Variants in MS4A4E observed in about 807,000 individuals in gnomAD.
MS4A4E encodes the protein putative membrane-spanning 4-domains subfamily A member 4E.
Under a neutral mutation model 13.3 loss-of-function variants are expected in MS4A4E, and 23 were observed. That is an observed-to-expected ratio of 1.73 (90% CI 1.25 to 2.45). The LOEUF is 2.45. Ranked by LOEUF, MS4A4E falls within the 30% of genes most tolerant of loss-of-function variation. The pLI, the probability that MS4A4E is intolerant of heterozygous loss-of-function variation, is 0.00. For missense variants in MS4A4E, 144 were observed against 131.2 expected, an observed-to-expected ratio of 1.10 and a Z score of -0.48; for synonymous variants, 36 against 45.6, an observed-to-expected ratio of 0.79 and a Z score of 0.85.
At chr11:60,212,612 A>T (rs1290516120) in intron 5 of MS4A4E, among the ~76,000 whole-genome samples, 1 of 152,130 alleles carries the variant, frequency 6.6e-6, no homozygotes, top group Non-Finnish European at 1.5e-5. Context: ...TCCGGCTGGG[A>T]CTGACTTTTT....
At chr11:60,216,561 AAGAGTTTAATAAAAAGCT>A (rs1263888501) in intron 3 of MS4A4E, among the ~76,000 whole-genome samples, 3 of 151,804 alleles carry the variant, frequency 2.0e-5, no homozygotes, top group African/African-American at 7.3e-5. Flanking sequence ...AGATCATAGT[AAGAGTTTAATAAAAAGCT>A]ATTATTGACA....
Position 60,206,512 on chromosome 11 carries a change from T to TGTATATATATATAC in MS4A4E, c.484-693_484-692insGTATATATATATAC, listed in dbSNP as rs1554983301. ...ATGTATATATATACGTATATATATATACACACACACACACACAGAGGTCAT... is the reference window on the plus strand; with the variant it reads ...ATGTATATATATACGTATATATATATGTATATATATATACACACACACACACACACAGAGGTCAT... On this transcript the variant is annotated intron_variant, in intron 6 of 8. Transcript: ENST00000651255. Among the ~76,000 whole-genome samples, 3 of 98,350 alleles carry TGTATATATATATAC rather than the reference T, an allele frequency of 3.1e-5. 1 individual carries two copies. The highest frequency in any genetic ancestry group is 1.4e-4 in the African/African-American group (3 of 20,694). 64.5% of individuals were successfully genotyped at this position (98,350 alleles called of 152,430 possible). A position where few individuals can be genotyped will look rare whatever the true frequency, so the allele number is the denominator to read the frequency against.
At chr11:60,224,089 T>C (rs1015119864) in intron 3 of MS4A4E, among the ~76,000 whole-genome samples, 9 of 152,220 alleles carry the variant, frequency 5.9e-5, no homozygotes. Flanking sequence ...AATAGATTCC[T>C]TGATTCTAAC....
At chr11:60,215,826 A>T (rs1342607399) in intron 3 of MS4A4E, among the ~76,000 whole-genome samples, 2 of 152,096 alleles carry the variant, frequency 1.3e-5, no homozygotes, top group African/African-American at 4.8e-5. Flanking sequence ...TAAACTCTTT[A>T]AAAAATTCAG....
chr11:60,236,667 A>G (rs2084486943), intron 1 of MS4A4E, among the ~76,000 whole-genome samples: 1 of 151,428 alleles, frequency 6.6e-6, no homozygotes, highest in South Asian at 2.1e-4. Context: ...TCAGGGGTAC[A>G]TGTGCAGGTT....
At chr11:60,235,827 G>A (rs921783854) in intron 1 of MS4A4E, among the ~76,000 whole-genome samples, 1 of 152,124 alleles carries the variant, frequency 6.6e-6, no homozygotes, top group Non-Finnish European at 1.5e-5. Context: ...TCTAAAATTT[G>A]TGTTCTGCTC....
chr11:60,206,946 C>T (rs1407526516), intron 6 of MS4A4E, among the ~76,000 whole-genome samples: 3 of 152,136 alleles, frequency 2.0e-5, no homozygotes, highest in Admixed American at 6.5e-5. Context: ...ACCTGAGCTG[C>T]TGATGACCAC....
rs182378316 is a variant in MS4A4E, at chr11:60,210,975, C to T, written c.381+1999G>A. On this transcript the variant is annotated intron_variant, in intron 5 of 8. Coordinates refer to ENST00000651255, the MANE Select transcript of MS4A4E (RefSeq NM_001393391.1). ...AAAAATAATTTCAAGATAGCAACAG[C>T]AGAGCATTAGACCAAGCACAGGGCT... Among the ~76,000 whole-genome samples the T allele has an allele frequency of 8.7e-4, 132 of 152,294 alleles. 1 individual carries two copies. The highest frequency in any genetic ancestry group is 3.4e-3 in the Middle Eastern group (1 of 294).
At chr11:60,228,843 C>G (rs2084374451) in intron 2 of MS4A4E, among the ~76,000 whole-genome samples, 1 of 152,176 alleles carries the variant, frequency 6.6e-6, no homozygotes, top group Non-Finnish European at 1.5e-5. Flanking sequence ...TCTTTAAAAA[C>G]TACCTAATTT....
intron 3 of MS4A4E, among the ~76,000 whole-genome samples, chr11:60,227,344 G>A (rs1253862214): frequency 6.6e-6 from 1 of 152,126 alleles, no homozygotes; most frequent in Non-Finnish European, 1.5e-5. Flanking sequence ...GAGGTCAGGA[G>A]ATTGAGACCA....
chr11:60,200,991 G>A lies in MS4A4E; in HGVS notation c.*552C>T, dbSNP rs1163457174. On this transcript the variant is annotated 3_prime_UTR_variant, in exon 9 of 9. Transcript: ENST00000651255. ...GGGCTGAACCCCCCACCTCCCTCCC[G>A]GACGGGGCGGCTGGCCGGGCAGAGG... Among the ~76,000 whole-genome samples, 191 of 144,076 alleles carry A rather than the reference G, an allele frequency of 1.3e-3. 4 individuals are homozygous for A. The East Asian group carries it at 0.016, about 12-fold the overall frequency. 94.5% of individuals were successfully genotyped at this position (144,076 alleles called of 152,430 possible). A position where few individuals can be genotyped will look rare whatever the true frequency, so the allele number is the denominator to read the frequency against.
chr11:60,208,836 C>T (rs1483942736), intron 5 of MS4A4E, 142 bp from the exon 6 acceptor site: 1 of 404,206 alleles, frequency 2.5e-6, no homozygotes, highest in Non-Finnish European at 4.5e-6. Flanking sequence ...ATACCCTTGA[C>T]CAATTCTTGA....
intron 1 of MS4A4E, among the ~76,000 whole-genome samples, chr11:60,236,747 T>A (rs965094248): frequency 6.6e-5 from 10 of 151,646 alleles, no homozygotes; most frequent in African/African-American, 1.5e-4. Flanking sequence ...TTTTTTTTTT[T>A]AAATTTTGAA....
At chr11:60,241,789 T>A (rs779873470) in intron 1 of MS4A4E, among the ~76,000 whole-genome samples, 1 of 152,194 alleles carries the variant, frequency 6.6e-6, no homozygotes, top group East Asian at 1.9e-4. Flanking sequence ...TTCTTTCAGG[T>A]TGGAGAAGAA....
At chr11:60,224,588 C>G (rs2084317388) in intron 3 of MS4A4E, among the ~76,000 whole-genome samples, 1 of 152,182 alleles carries the variant, frequency 6.6e-6, no homozygotes, top group South Asian at 2.1e-4. Flanking sequence ...TCTACCATCT[C>G]CCCTCTGGTA....
chr11:60,222,607 A>G (rs1256016505), intron 3 of MS4A4E, among the ~76,000 whole-genome samples: 4 of 152,148 alleles, frequency 2.6e-5, no homozygotes, highest in Non-Finnish European at 5.9e-5. Context: ...TGGAAGTGGC[A>G]CCACTTACCA....
chr11:60,206,183 G>C (rs1331774166), intron 6 of MS4A4E, among the ~76,000 whole-genome samples: 1 of 152,052 alleles, frequency 6.6e-6, no homozygotes, highest in Admixed American at 6.6e-5. Flanking sequence ...CAGAAAAAAA[G>C]TCAAGTAAGT....
chr11:60,235,860 T>G (rs1269606588), intron 1 of MS4A4E, among the ~76,000 whole-genome samples: 1 of 152,190 alleles, frequency 6.6e-6, no homozygotes, highest in Non-Finnish European at 1.5e-5. Flanking sequence ...AGTCTACATA[T>G]AGGTCTCAAT....
chr11:60,218,326 C>A (rs899445858), intron 3 of MS4A4E, among the ~76,000 whole-genome samples: 1 of 152,168 alleles, frequency 6.6e-6, no homozygotes, highest in Non-Finnish European at 1.5e-5. Flanking sequence ...CCTGTGATCT[C>A]GCCCTGCCTC....
Sources: allele counts gnomAD v4.1 joint callset (sites outside exome capture counted in the v4.1 genomes callset), GRCh38; gene constraint gnomAD v4.1.1; transcripts MANE v1.5; gene names NCBI Gene and HGNC (gene_info 2026-07-23, HGNC 2026-07-21).